The following CASZ1 variants were observed in gnomAD, a reference collection of about 807,000 sequenced individuals.
CASZ1 encodes castor zinc finger 1.
A neutral mutation model predicts 135.2 loss-of-function variants in CASZ1; 28 were observed. The ratio of observed to expected loss-of-function variants is 0.21; its 90% CI spans 0.15 to 0.28. CASZ1 has a LOEUF of 0.28. Among genes scored for constraint, CASZ1 ranks in the 10% least tolerant of loss-of-function variants. The pLI, the probability that CASZ1 is intolerant of heterozygous loss-of-function variation, is 1.00. For synonymous variants in CASZ1, 1,068 were observed against 1,073.4 expected (o/e 0.99, Z 0.10); for missense variants, 2,161 against 2,453.3 (o/e 0.88, Z 2.52).
intron 2 of CASZ1, among the ~76,000 whole-genome samples, chr1:10,745,703 C>T (rs558748542): frequency 3.9e-5 from 6 of 152,196 alleles, no homozygotes; most frequent in Non-Finnish European, 8.8e-5. Context: ...GGGTTTGAAT[C>T]CCAATGCTCT....
At chr1:10,641,560 G>T (rs954140879) in intron 20 of CASZ1, among the ~76,000 whole-genome samples, 10 of 152,226 alleles carry the variant, frequency 6.6e-5, no homozygotes, top group African/African-American at 2.4e-4. Flanking sequence ...CTCAGCTTTG[G>T]GCGTGGCCCG....
chr1:10,725,544 A>G lies in CASZ1; in HGVS notation c.-76-20000T>C, dbSNP rs1476804054. 6.6e-6 allele frequency among the ~76,000 whole-genome samples: 1 copy of G among 152,250 alleles called. No homozygotes were observed. Among genetic ancestry groups the G allele is most frequent in the African/African-American group, 2.4e-5 (1 of 41,468 alleles). ...AAATTAATTTACAGCCACAACAAAA[A>G]GAGTTCAGAATTTTAATGGTGTTGT... On this transcript the variant is annotated intron_variant, in intron 2 of 20. Transcript: ENST00000377022. The surrounding 1 kb of genome is among the most constrained non-coding windows in gnomAD (Gnocchi z 4.4).
chr1:10,677,505 C>T (rs284310), intron 4 of CASZ1, among the ~76,000 whole-genome samples: 62,838 of 151,988 alleles, frequency 0.41, 13,909 homozygotes, highest in Middle Eastern at 0.47. Flanking sequence ...TGGCTGGACA[C>T]GGAGCTAAGG....
intron 2 of CASZ1, among the ~76,000 whole-genome samples, chr1:10,732,860 C>T (rs1360744098): frequency 2.6e-5 from 4 of 152,100 alleles, no homozygotes; most frequent in African/African-American, 7.2e-5. Flanking sequence ...AATTTAGAGC[C>T]GAACAGGGAG....
chr1:10,732,227 A>G (rs1302711963), intron 2 of CASZ1, among the ~76,000 whole-genome samples: 2 of 151,378 alleles, frequency 1.3e-5, no homozygotes, highest in East Asian at 3.9e-4. Flanking sequence ...TGGGAGGCTG[A>G]GGCAGGAGAA....
chr1:10,645,075 C>T lies in CASZ1; in HGVS notation c.3710G>A (p.Arg1237Gln), dbSNP rs201373213. ...CLCPNQHCEFRMRGHYHCLRT... is the reference protein window; with the variant it reads ...CLCPNQHCEFQMRGHYHCLRT... ...GAGGCAGTGGTAGTGCCCACGCATTCGGAACTCGCAGTGCTGCAGGGAGAC... is the reference window on the plus strand; with the variant it reads ...GAGGCAGTGGTAGTGCCCACGCATTTGGAACTCGCAGTGCTGCAGGGAGAC... The change falls in exon 18 of 21, where the codon CGA becomes CAA. Residue 1237 changes from arginine to glutamine, a missense_variant. Physicochemically the swap from Arg to Gln is conservative, Grantham distance 43. This residue lies in a region of CASZ1 where 349 missense variants were observed against 460.8 expected (regional missense o/e 0.76). Coordinates refer to ENST00000377022, the MANE Select transcript of CASZ1 (RefSeq NM_001079843.3). 57 of 1,613,726 alleles carry T rather than the reference C, an allele frequency of 3.5e-5. No individual in the cohort carries two copies. Among genetic ancestry groups the T allele is most frequent in the Admixed American group, 2.7e-4 (16 of 60,012 alleles).
intron 11 of CASZ1, 134 bp downstream of exon 11, chr1:10,653,243 A>C: frequency 1.0e-6 from 1 of 955,896 alleles, no homozygotes; most frequent in Admixed American, 1.8e-5. Flanking sequence ...TCAGGCAAAG[A>C]GGGGGTGCTG....
chr1:10,687,282 C>T (rs987426215), intron 4 of CASZ1, among the ~76,000 whole-genome samples: 11 of 152,232 alleles, frequency 7.2e-5, no homozygotes, highest in African/African-American at 2.4e-4. Context: ...TGTCCGTTTC[C>T]CAGCTCCTGC....
chr1:10,756,815 A>C lies in CASZ1; in HGVS notation c.-77+3886T>G, dbSNP rs183786639. Among the ~76,000 whole-genome samples the C allele has an allele frequency of 6.6e-6, 1 of 152,178 alleles. No homozygotes were observed. The highest frequency in any genetic ancestry group is 6.5e-5 in the Admixed American group (1 of 15,278). On this transcript the variant is annotated intron_variant, in intron 2 of 20. Transcript: ENST00000377022. The surrounding 1 kb of genome is among the most constrained non-coding windows in gnomAD (Gnocchi z 5.9). ...AAATATGGGGGCTTCAGACAAACCC[A>C]TCTGCCAGCCCTCACAGCTCACCAA...
chr1:10,647,110 G>A lies in CASZ1; in HGVS notation c.3497+691C>T. On this transcript the variant is annotated intron_variant, in intron 16 of 20. Coordinates refer to ENST00000377022, the MANE Select transcript of CASZ1 (RefSeq NM_001079843.3). This position sits in a 1 kb window ranked among gnomAD's most constrained non-coding sequence, Gnocchi z 4.9. ...CTACTCTGGGGAGGAGGAGGGGGAG[G>A]GGAGGCTGGTGGGGGGGACGGAGAA... is the stretch of plus-strand genomic sequence containing the variant. 1 of 402,516 alleles carries A rather than the reference G, an allele frequency of 2.5e-6. No homozygotes were observed. Among genetic ancestry groups the A allele is most frequent in the Non-Finnish European group, 3.4e-6 (1 of 296,756 alleles). 24.9% of individuals were successfully genotyped at this position (402,516 alleles called of 1,614,324 possible).
chr1:10,647,999 A>G lies in CASZ1; in HGVS notation c.3299T>C (p.Leu1100Pro), dbSNP rs987073009. Residue 1100 changes from leucine (L) to proline (P), a missense_variant, in exon 16 of 21, where the codon CTG (leucine) becomes CCG (proline). By Grantham distance (98) the Leu-to-Pro change is moderately conservative. This residue lies in a region of CASZ1 where 349 missense variants were observed against 460.8 expected (regional missense o/e 0.76). Coordinates refer to ENST00000377022, the MANE Select transcript of CASZ1 (RefSeq NM_001079843.3). The surrounding 1 kb of genome is among the most constrained non-coding windows in gnomAD (Gnocchi z 4.9). ...PPVTTATVSS[L>P]EGPAPSPASV... The stretch of plus-strand genomic sequence containing the variant: ...GGCCGGGCTGGGAGCGGGCCCCTCC[A>G]GAGAGGACACCGTGGCCGTGGTGAC... 3.7e-6 allele frequency: 6 copies of G among 1,603,254 alleles called. No homozygotes were observed. The South Asian group carries it at 5.6e-5, about 15-fold the overall frequency.
chr1:10,651,158 G>T (rs1170555194), intron 11 of CASZ1, 82 bp from the exon 12 acceptor site: 5 of 1,222,376 alleles, frequency 4.1e-6, no homozygotes, highest in East Asian at 2.9e-5. Context: ...CCCCTGGAGG[G>T]AGGGCAGTGG....
intron 11 of CASZ1, 172 bp downstream of exon 11, chr1:10,653,205 A>G: frequency 1.4e-6 from 1 of 737,720 alleles, no homozygotes; most frequent in East Asian, 2.7e-5. Context: ...GGGGCCCCAC[A>G]TAGAAACCAA....
chr1:10,702,224 C>G (rs572658959), intron 3 of CASZ1, among the ~76,000 whole-genome samples: 14 of 152,292 alleles, frequency 9.2e-5, no homozygotes, highest in African/African-American at 2.6e-4. Context: ...CTTCATCACC[C>G]TCTTGCCTTG....
At chr1:10,722,909 G>A (rs1036627762) in intron 2 of CASZ1, among the ~76,000 whole-genome samples, 2 of 152,250 alleles carry the variant, frequency 1.3e-5, no homozygotes, top group African/African-American at 2.4e-5. Context: ...GATGCCATCC[G>A]GGGGAGCTTG....
chr1:10,729,036 CCT>C (rs1639648844), intron 2 of CASZ1, among the ~76,000 whole-genome samples: 2 of 151,978 alleles, frequency 1.3e-5, no homozygotes, highest in African/African-American at 4.8e-5. Flanking sequence ...GGGACAAAAC[CCT>C]GTCTTGGACA....
Position 10,666,645 on chromosome 1 carries a change from G to T in CASZ1, c.17-1074C>A, listed in dbSNP as rs569331744. Among the ~76,000 whole-genome samples the T allele has an allele frequency of 6.6e-6, 1 of 152,142 alleles. No individual in the cohort carries two copies. Among genetic ancestry groups the T allele is most frequent in the Non-Finnish European group, 1.5e-5 (1 of 68,030 alleles). On this transcript the variant is annotated intron_variant, in intron 4 of 20. Transcript: ENST00000377022. The surrounding 1 kb of genome is among the most constrained non-coding windows in gnomAD (Gnocchi z 5.2). ...AGCCGGAAGGAAGCCCTCATGAGGCGACTTGAGAGCCAGCGACCTCCCTCG... is the reference window on the plus strand; with the variant it reads ...AGCCGGAAGGAAGCCCTCATGAGGCTACTTGAGAGCCAGCGACCTCCCTCG...
At chr1:10,763,798 G>T (rs11121614) in intron 1 of CASZ1, among the ~76,000 whole-genome samples, 9,795 of 152,300 alleles carry the variant, frequency 0.064, 474 homozygotes, top group African/African-American at 0.13. Flanking sequence ...CCTGACTTCA[G>T]GTCAGAGTCA....
In CASZ1 at chr1:10,724,816, C is replaced by T. The variant is rs564141589; in HGVS notation, c.-76-19272G>A. Among the ~76,000 whole-genome samples, 52 of 152,208 alleles carry T rather than the reference C, an allele frequency of 3.4e-4. No individual in the cohort carries two copies. The highest frequency in any genetic ancestry group is 1.1e-3 in the African/African-American group (47 of 41,538). On this transcript the variant is annotated intron_variant, in intron 2 of 20. Transcript: ENST00000377022. This position sits in a 1 kb window ranked among gnomAD's most constrained non-coding sequence, Gnocchi z 4.1. ...CAGGTGGGGGGCTGGCTGGGAGCCT[C>T]GGAGGATGACATAAGGGGGACACAG...
Sources: allele counts gnomAD v4.1 joint callset (sites outside exome capture counted in the v4.1 genomes callset), GRCh38; gene constraint gnomAD v4.1.1; regional missense constraint gnomAD v4.1.1; non-coding constraint Gnocchi (gnomAD v3.1); transcripts MANE v1.5; gene names NCBI Gene and HGNC (gene_info 2026-07-23, HGNC 2026-07-21).